GPHN: variants seen among roughly 807,000 people sequenced by gnomAD.
The protein encoded by GPHN is gephyrin.
In GPHN, 17 loss-of-function variants were observed where a neutral mutation model predicts 95.5. The ratio of observed to expected loss-of-function variants is 0.18; its 90% CI spans 0.12 to 0.27. The LOEUF is 0.27. Ranked by LOEUF, GPHN falls within the 10% of genes least tolerant of loss-of-function variation. The pLI is 1.00. For missense variants in GPHN, 660 were observed against 978.1 expected, an observed-to-expected ratio of 0.67 and a Z score of 4.34; for synonymous variants, 320 against 322.5, an observed-to-expected ratio of 0.99 and a Z score of 0.08.
chr14:67,210,955 G>A, the GPHN span, among the ~76,000 whole-genome samples: 2 of 152,038 alleles, frequency 1.3e-5, no homozygotes, highest in South Asian at 4.2e-4. Context: ...AGCTGAGATT[G>A]CACCACTGCA....
intron 8 of GPHN, among the ~76,000 whole-genome samples, chr14:66,932,463 T>TTG (rs1567118562): frequency 3.0e-5 from 4 of 133,598 alleles, no homozygotes; most frequent in Non-Finnish European, 6.4e-5. Context: ...TTTTTTTTTT[T>TTG]TTTTTTTTTT....
chr14:66,741,892 A>T (rs954741194), intron 2 of GPHN, among the ~76,000 whole-genome samples: 3 of 152,160 alleles, frequency 2.0e-5, no homozygotes, highest in African/African-American at 7.2e-5. Flanking sequence ...CGTTGTCTTT[A>T]TCATGCTAAA....
the GPHN span, chr14:67,562,667 G>C: frequency 6.2e-7 from 1 of 1,612,664 alleles, no homozygotes; most frequent in Non-Finnish European, 8.5e-7. Context: ...TGGCCGTGTG[G>C]TGAACATTGA....
the GPHN span, among the ~76,000 whole-genome samples, chr14:67,433,934 T>G: frequency 9.2e-4 from 140 of 152,342 alleles, no homozygotes; most frequent in African/African-American, 3.2e-3. Flanking sequence ...TTGATGAAAT[T>G]AGATATCAGA....
chr14:67,696,700 G>T, the GPHN span, among the ~76,000 whole-genome samples: 4 of 152,154 alleles, frequency 2.6e-5, no homozygotes, highest in Admixed American at 2.6e-4. Flanking sequence ...TATGTTCTCT[G>T]TGAATAAATA....
intron 1 of GPHN, among the ~76,000 whole-genome samples, chr14:66,595,922 C>T (rs1260484292): frequency 6.6e-6 from 1 of 152,118 alleles, no homozygotes; most frequent in Non-Finnish European, 1.5e-5. Context: ...GTTATGTGGA[C>T]AAGTGGAGGG....
chr14:66,988,379 T>G (rs1413151039), intron 9 of GPHN, among the ~76,000 whole-genome samples: 1 of 152,054 alleles, frequency 6.6e-6, no homozygotes, highest in Non-Finnish European at 1.5e-5. Context: ...TTGTTAGTTA[T>G]GTCAGCAGAA....
the GPHN span, among the ~76,000 whole-genome samples, chr14:67,489,787 G>A: frequency 4.6e-5 from 7 of 152,120 alleles, no homozygotes; most frequent in East Asian, 1.9e-4. Context: ...TCAGGAGATC[G>A]AGACCATCCT....
chr14:67,279,308 G>T, the GPHN span: 1 of 1,613,924 alleles, frequency 6.2e-7, no homozygotes, highest in East Asian at 2.2e-5. Flanking sequence ...TGGGCACCAG[G>T]ATGATGCCAA....
intron 1 of GPHN, among the ~76,000 whole-genome samples, chr14:66,525,473 C>T (rs985300400): frequency 6.6e-6 from 1 of 152,146 alleles, no homozygotes; most frequent in East Asian, 1.9e-4. Context: ...GTTTCTTTTG[C>T]TGTGCAGATG....
the GPHN span, chr14:67,208,044 T>C: frequency 1.5e-6 from 1 of 654,078 alleles, no homozygotes; most frequent in Non-Finnish European, 1.9e-6. Context: ...GCTCTCCCAA[T>C]GGTCGTGCCA....
the GPHN span, chr14:67,582,321 G>A: frequency 6.4e-7 from 1 of 1,559,706 alleles, no homozygotes; most frequent in Non-Finnish European, 8.7e-7. This position sits in a 1 kb window ranked among gnomAD's most constrained non-coding sequence, Gnocchi z 5.0. Context: ...CTCAGGAGAG[G>A]GCAGCTTTGC....
chr14:67,638,369 CAA>C, the GPHN span, among the ~76,000 whole-genome samples: 2 of 147,992 alleles, frequency 1.4e-5, no homozygotes, highest in East Asian at 2.0e-4. Flanking sequence ...ACAAATAATC[CAA>C]AAAAAAAAGA....
intron 8 of GPHN, among the ~76,000 whole-genome samples, chr14:66,939,695 A>G (rs990023387): frequency 6.6e-6 from 1 of 152,080 alleles, no homozygotes; most frequent in African/African-American, 2.4e-5. Flanking sequence ...TCCTGCATCT[A>G]TCATTCCCCC....
the GPHN span, among the ~76,000 whole-genome samples, chr14:67,378,018 A>G: frequency 6.6e-6 from 1 of 151,760 alleles, no homozygotes; most frequent in Non-Finnish European, 1.5e-5. Context: ...TGGGAGGCTG[A>G]GGCAGGAGGA....
chr14:66,833,479 G>T (rs72728685), intron 4 of GPHN, among the ~76,000 whole-genome samples: 5 of 152,132 alleles, frequency 3.3e-5, no homozygotes, highest in East Asian at 1.9e-4. Flanking sequence ...TATCACTGCC[G>T]TTATTCAGAG....
chr14:67,580,423 T>C, the GPHN span: 1 of 168,378 alleles, frequency 5.9e-6, no homozygotes, highest in African/African-American at 2.4e-5. Context: ...GATAAGTGTT[T>C]GTAAGAATGT....
At chr14:67,439,537 C>G in the GPHN span, among the ~76,000 whole-genome samples, 3 of 43,044 alleles carry the variant, frequency 7.0e-5, no homozygotes, top group Non-Finnish European at 1.3e-4. Flanking sequence ...TCAATAGTTT[C>G]TTTCTTTCTT....
chr14:66,886,860 G>A (rs1195507101), intron 5 of GPHN, among the ~76,000 whole-genome samples: 1 of 152,160 alleles, frequency 6.6e-6, no homozygotes, highest in African/African-American at 2.4e-5. Flanking sequence ...AAACTGTCAG[G>A]TAGGCAAACC....
Sources: allele counts gnomAD v4.1 joint callset (sites outside exome capture counted in the v4.1 genomes callset), GRCh38; gene constraint gnomAD v4.1.1; non-coding constraint Gnocchi (gnomAD v3.1); transcripts MANE v1.5; gene names NCBI Gene and HGNC (gene_info 2026-07-23, HGNC 2026-07-21).